B3GALNT1: variants seen among roughly 807,000 people sequenced by gnomAD.
B3GALNT1 encodes UDP-GalNAc:beta-1,3-N-acetylgalactosaminyltransferase 1.
Under a neutral mutation model 27.3 loss-of-function variants are expected in B3GALNT1, and 17 were observed. The observed-to-expected ratio is 0.62, with a 90% CI of 0.43 to 0.94. The LOEUF (loss-of-function observed/expected upper bound fraction) is 0.94, where lower values mean the gene tolerates loss of function less well. B3GALNT1 is among the 40% of genes least tolerant of loss of function. B3GALNT1 has a pLI of 0.00. For missense variants in B3GALNT1, 347 were observed against 390.0 expected (o/e 0.89, Z 0.93); for synonymous variants, 141 against 144.0 (o/e 0.98, Z 0.15).
intron 3 of B3GALNT1, among the ~76,000 whole-genome samples, chr3:161,102,563 AT>A (rs1489227319): frequency 2.0e-5 from 3 of 152,328 alleles, no homozygotes; most frequent in East Asian, 1.9e-4. Context: ...ATAATATACA[AT>A]TTTTTATTAG....
Position 161,101,236 on chromosome 3 carries a change from G to A in B3GALNT1, c.-129-3C>T. ...CCGGGTCCAGGGAGCTAAGAAAACTGGAGCAGAGCAAAGATCACAAAGTCA... is the reference window on the plus strand; with the variant it reads ...CCGGGTCCAGGGAGCTAAGAAAACTAGAGCAGAGCAAAGATCACAAAGTCA... On this transcript the variant is annotated splice_region_variant and splice_polypyrimidine_tract_variant and intron_variant, in intron 3 of 4. Transcript: ENST00000320474. 2 of 1,289,456 alleles carry A rather than the reference G, an allele frequency of 1.6e-6. No individual in the cohort carries two copies. Among genetic ancestry groups the A allele is most frequent in the Non-Finnish European group, 2.0e-6 (2 of 988,486 alleles). 79.9% of individuals were successfully genotyped at this position (1,289,456 alleles called of 1,614,324 possible). A position where few individuals can be genotyped will look rare whatever the true frequency, so the allele number is the denominator to read the frequency against.
chr3:161,098,588 C>T (rs922014728), intron 4 of B3GALNT1, among the ~76,000 whole-genome samples: 1 of 152,184 alleles, frequency 6.6e-6, no homozygotes, highest in Non-Finnish European at 1.5e-5. Flanking sequence ...TGGTGCATGC[C>T]TGTAATGCCA....
At chr3:161,102,982 T>C (rs1478245867) in intron 3 of B3GALNT1, 2 of 152,236 alleles carry the variant, frequency 1.3e-5, no homozygotes, top group South Asian at 2.1e-4. Flanking sequence ...GAGTCAGAAC[T>C]TGAAGTTGAA....
rs1163813502 is a variant in B3GALNT1 at position 161,086,697 on chromosome 3, A to C, written c.58T>G (p.Trp20Gly). The C allele has an allele frequency of 6.2e-7, 1 of 1,614,210 alleles. No homozygotes were observed. The highest frequency in any genetic ancestry group is 8.5e-7 in the Non-Finnish European group (1 of 1,180,040). ...PSRMSLRSLK[W>G]SLLLLSLLSF... ...AGGAGTGACAGCAGCAGGAGGCTCC[A>C]TTTGAGGGATCTCAGTGACATCCTA... The change falls in exon 5 of 5, where the codon TGG becomes GGG. Residue 20 changes from tryptophan (W) to glycine (G), a missense_variant. Transcript: ENST00000320474.
Position 161,085,882 on chromosome 3 carries a change from A to T in B3GALNT1, c.873T>A (p.Phe291Leu), listed in dbSNP as rs1174945698. 5.6e-6 allele frequency: 9 copies of T among 1,613,626 alleles called. No individual in the cohort carries two copies. The highest frequency in any genetic ancestry group is 6.8e-6 in the Non-Finnish European group (8 of 1,179,820). The change falls in exon 5 of 5, where the codon TTT becomes TTA. Residue 291 changes from phenylalanine (F) to leucine (L), a missense_variant. Physicochemically the swap from Phe to Leu is conservative, Grantham distance 22. Coordinates refer to ENST00000320474, the MANE Select transcript of B3GALNT1 (RefSeq NM_003781.4). ...IHIPEDTNLF[F>L]LYRIHLDVCQ... ...AGACATCCAAATGGATTCTATATAG[A>T]AAGAAAAGATTTGTGTCTTCTGGAA... is the stretch of plus-strand genomic sequence containing the variant.
chr3:161,084,808 T>C lies in B3GALNT1; in HGVS notation c.*951A>G, dbSNP rs1002798742. 4.6e-5 allele frequency: 7 copies of C among 152,216 alleles called. No individual in the cohort carries two copies. Among genetic ancestry groups the C allele is most frequent in the African/African-American group, 1.7e-4 (7 of 41,468 alleles). 9.4% of individuals were successfully genotyped at this position (152,216 alleles called of 1,614,324 possible). On this transcript the variant is annotated 3_prime_UTR_variant, in exon 5 of 5. Transcript: ENST00000320474. ...AAATGCTGGAATATGACACTCTTTT[T>C]ATAATATTCTGCCCATGAGGTTCTC...
At chr3:161,103,679 C>CA (rs1732646021) in intron 2 of B3GALNT1, among the ~76,000 whole-genome samples, 162 bp from the exon 3 acceptor site, 1 of 152,166 alleles carries the variant, frequency 6.6e-6, no homozygotes, top group Non-Finnish European at 1.5e-5. Context: ...TTCTCGCTTT[C>CA]AAATCACCTC....
At chr3:161,103,363 G>A in intron 3 of B3GALNT1, 64 bp downstream of exon 3, 1 of 693,888 alleles carries the variant, frequency 1.4e-6, no homozygotes, top group Non-Finnish European at 2.2e-6. Context: ...CCTTGTAAAG[G>A]GCATTATTAT....
At chr3:161,089,489 AAG>A (rs1454335397) in intron 4 of B3GALNT1, among the ~76,000 whole-genome samples, 1 of 152,226 alleles carries the variant, frequency 6.6e-6, no homozygotes, top group East Asian at 1.9e-4. Context: ...TATTTTAACA[AAG>A]AGATATGAAT....
At chr3:161,097,027 C>T (rs1439503916) in intron 4 of B3GALNT1, among the ~76,000 whole-genome samples, 2 of 152,240 alleles carry the variant, frequency 1.3e-5, no homozygotes, top group African/African-American at 2.4e-5. Flanking sequence ...ACTCAAAGTG[C>T]ATGGGCACCA....
intron 4 of B3GALNT1, among the ~76,000 whole-genome samples, chr3:161,093,903 T>C (rs1726719183): frequency 6.6e-6 from 1 of 152,178 alleles, no homozygotes. Context: ...TATAAGCAAT[T>C]TCCATTAAGC....
intron 2 of B3GALNT1, among the ~76,000 whole-genome samples, 185 bp from the exon 3 acceptor site, chr3:161,103,702 G>T (rs1417340342): frequency 6.6e-6 from 1 of 152,120 alleles, no homozygotes; most frequent in Non-Finnish European, 1.5e-5. Context: ...GCTCTAATCT[G>T]AAATTATACT....
At position 161,086,776 on chromosome 3, in the gene B3GALNT1, C is replaced by T. The variant is rs763252043; in HGVS notation, c.-22G>A. 1.1e-5 allele frequency: 17 copies of T among 1,612,500 alleles called. No homozygotes were observed. Among genetic ancestry groups the T allele is most frequent in the South Asian group, 3.3e-5 (3 of 90,934 alleles). On this transcript the variant is annotated 5_prime_UTR_variant, in exon 5 of 5. Coordinates refer to ENST00000320474, the MANE Select transcript of B3GALNT1 (RefSeq NM_003781.4). The stretch of plus-strand genomic sequence containing the variant: ...CCATCCACAGCAGCTCAGAAGCACG[C>T]GAGCCGAAGGTTCTGGAAGAGTTAT...
At chr3:161,092,823 G>T (rs554575323) in intron 4 of B3GALNT1, among the ~76,000 whole-genome samples, 1 of 140,822 alleles carries the variant, frequency 7.1e-6, no homozygotes, top group South Asian at 2.2e-4. Context: ...CTGGAGTGCA[G>T]TGGTGCAATC....
rs754610804 is a variant in B3GALNT1 at position 161,101,165 on chromosome 3, G to C, written c.-61C>G. 1 of 1,289,830 alleles carries C rather than the reference G, an allele frequency of 7.8e-7. No individual in the cohort carries two copies. Among genetic ancestry groups the C allele is most frequent in the Non-Finnish European group, 1.0e-6 (1 of 988,878 alleles). 79.9% of individuals were successfully genotyped at this position (1,289,830 alleles called of 1,614,324 possible). A position where few individuals can be genotyped will look rare whatever the true frequency, so the allele number is the denominator to read the frequency against. On this transcript the variant is annotated 5_prime_UTR_variant, in exon 4 of 5. Coordinates refer to ENST00000320474, the MANE Select transcript of B3GALNT1 (RefSeq NM_003781.4). ...TTTACACTCGGGGTGAGTAGTCGGA[G>C]AGCACCACGTGATAGAGCAGCCAGC... is the stretch of plus-strand genomic sequence containing the variant.
In B3GALNT1 at chr3:161,085,622, C is replaced by T; in HGVS notation, c.*137G>A. On this transcript the variant is annotated 3_prime_UTR_variant, in exon 5 of 5. Transcript: ENST00000320474. ...ATCACAAGTGTAACCCTCCAGTCTC[C>T]AGTCTGGGTTTTTCATGAGTTTCAG... 1.2e-6 allele frequency: 1 copy of T among 863,162 alleles called. No homozygotes were observed. The highest frequency in any genetic ancestry group is 1.9e-6 in the Non-Finnish European group (1 of 523,600). The allele number at this position is 863,162 out of a possible 1,614,324, so 53.5% of individuals were successfully genotyped here. A position where few individuals can be genotyped will look rare whatever the true frequency, so the allele number is the denominator to read the frequency against.
chr3:161,099,411 C>T (rs920848269), intron 4 of B3GALNT1, among the ~76,000 whole-genome samples: 13 of 152,196 alleles, frequency 8.5e-5, no homozygotes, highest in Admixed American at 7.2e-4. Context: ...TGTCAGAGTT[C>T]GAAAAACCAG....
At chr3:161,100,822 T>C (rs1337301971) in intron 4 of B3GALNT1, among the ~76,000 whole-genome samples, 1 of 151,858 alleles carries the variant, frequency 6.6e-6, no homozygotes, top group Non-Finnish European at 1.5e-5. Context: ...GTTAGGATTT[T>C]TAGCAGGGCT....
intron 4 of B3GALNT1, among the ~76,000 whole-genome samples, chr3:161,092,450 A>G (rs1411260610): frequency 6.6e-6 from 1 of 152,140 alleles, no homozygotes; most frequent in African/African-American, 2.4e-5. Context: ...TTTTTTTCTA[A>G]TGGGACTACA....
Sources: gnomAD v4.1 joint callset for allele counts (sites outside exome capture counted in the v4.1 genomes callset) on GRCh38, gnomAD v4.1.1 for gene constraint, MANE v1.5 for transcripts, NCBI Gene and HGNC (gene_info 2026-07-23, HGNC 2026-07-21) for gene names.